VPS36: variants seen among roughly 807,000 people sequenced by gnomAD.
VPS36 encodes vacuolar protein-sorting-associated protein 36.
Under a neutral mutation model 63.5 loss-of-function variants are expected in VPS36, and 31 were observed. That is an observed-to-expected ratio of 0.49 (90% CI 0.37 to 0.66). The LOEUF (loss-of-function observed/expected upper bound fraction) is 0.66, where lower values mean the gene tolerates loss of function less well. VPS36 is among the 30% of genes least tolerant of loss of function. The pLI, the probability that VPS36 is intolerant of heterozygous loss-of-function variation, is 0.00. For missense variants in VPS36, 338 were observed against 463.7 expected (o/e 0.73, Z 2.49); for synonymous variants, 138 against 157.2 (o/e 0.88, Z 0.91).
chr13:52,445,212 G>A (rs185142244), intron 1 of VPS36, among the ~76,000 whole-genome samples: 364 of 152,306 alleles, frequency 2.4e-3, no homozygotes, highest in African/African-American at 7.0e-3. Flanking sequence ...ACTTAGTTCA[G>A]TCTGGCTTCA....
intron 10 of VPS36, among the ~76,000 whole-genome samples, chr13:52,422,796 T>A (rs994865239): frequency 6.6e-6 from 1 of 152,158 alleles, no homozygotes; most frequent in Non-Finnish European, 1.5e-5. Flanking sequence ...CAGAAAGAAA[T>A]GATAAATGTT....
At chr13:52,450,311 C>A in intron 1 of VPS36, 188 bp downstream of exon 1, 2 of 1,172,394 alleles carry the variant, frequency 1.7e-6, no homozygotes, top group Middle Eastern at 3.5e-4. Context: ...GAGCGCCCCA[C>A]GCCACGTGCT....
At chr13:52,419,902 G>A (rs1308534075) in intron 10 of VPS36, among the ~76,000 whole-genome samples, 1 of 152,108 alleles carries the variant, frequency 6.6e-6, no homozygotes, top group Non-Finnish European at 1.5e-5. Flanking sequence ...AGTGGGGAAG[G>A]AGGGATAAAG....
chr13:52,418,444 G>A (rs908037212), intron 10 of VPS36, among the ~76,000 whole-genome samples: 17 of 151,378 alleles, frequency 1.1e-4, no homozygotes, highest in Middle Eastern at 3.4e-3. Context: ...GCGCGGTGGC[G>A]GGTGCCTGTA....
chr13:52,438,709 A>T (rs1420957159), intron 3 of VPS36, among the ~76,000 whole-genome samples: 4 of 152,218 alleles, frequency 2.6e-5, no homozygotes, highest in African/African-American at 9.6e-5. Context: ...TTATTCTGAT[A>T]AATGTCCTGC....
At chr13:52,450,438 G>C in intron 1 of VPS36, 61 bp downstream of exon 1, 1 of 1,507,442 alleles carries the variant, frequency 6.6e-7, no homozygotes, top group Non-Finnish European at 8.9e-7. Context: ...GCTGAGCCGG[G>C]CCGCGCGCCC....
intron 1 of VPS36, chr13:52,450,107 C>A (rs560962992): frequency 2.8e-5 from 28 of 990,930 alleles, no homozygotes; most frequent in South Asian, 4.7e-5. Context: ...AGGTTGGTGT[C>A]GTCAGGGGGT....
intron 10 of VPS36, 126 bp from the exon 11 acceptor site, chr13:52,418,182 T>C (rs1958010675): frequency 1.2e-6 from 1 of 811,440 alleles, no homozygotes. Context: ...GCAAAAAAGA[T>C]TGACAAAGGA....
chr13:52,442,470 T>C lies in VPS36; in HGVS notation c.97-25A>G, dbSNP rs200039377. 6.0e-4 allele frequency: 954 copies of C among 1,595,722 alleles called. 1 individual carries two copies. Among genetic ancestry groups the C allele is most frequent in the Non-Finnish European group, 7.5e-4 (881 of 1,168,482 alleles). ...TCTAGAAAGAAAGAGCATCACAAAA[T>C]ATTAATAACATATCACTCATTGTGG... On this transcript the variant is annotated intron_variant, in intron 1 of 13. Transcript: ENST00000378060.
At chr13:52,416,918 T>C in intron 12 of VPS36, 139 bp downstream of exon 12, 3 of 701,536 alleles carry the variant, frequency 4.3e-6, no homozygotes, top group South Asian at 2.1e-5. Context: ...TTGTTAGTGA[T>C]AAACCATTTT....
chr13:52,420,298 T>C (rs1022904096), intron 10 of VPS36, among the ~76,000 whole-genome samples: 4 of 151,786 alleles, frequency 2.6e-5, no homozygotes, highest in African/African-American at 4.8e-5. Flanking sequence ...AGGGAAACCA[T>C]AGTTAACAAT....
intron 5 of VPS36, among the ~76,000 whole-genome samples, chr13:52,434,224 ACT>A (rs1403220592): frequency 1.3e-5 from 2 of 152,224 alleles, no homozygotes; most frequent in East Asian, 3.8e-4. Context: ...CAAATGTCAC[ACT>A]GATTATGAAG....
rs1308613342 is a variant in VPS36, at chr13:52,445,771, A to G, written c.97-3326T>C. Among the ~76,000 whole-genome samples, 2 of 120,028 alleles carry G rather than the reference A, an allele frequency of 1.7e-5. 1 individual carries two copies. Among genetic ancestry groups the G allele is most frequent in the Non-Finnish European group, 3.7e-5 (2 of 53,506 alleles). The allele number at this position is 120,028 out of a possible 152,430, so 78.7% of individuals were successfully genotyped here. ...ACTAACACGGTGAAACCCCGTCTCT[A>G]CTAAAAATACAAAAAAAAAATAGCC... is the stretch of plus-strand genomic sequence containing the variant. On this transcript the variant is annotated intron_variant, in intron 1 of 13. Coordinates refer to ENST00000378060, the MANE Select transcript of VPS36 (RefSeq NM_016075.4).
In VPS36 at chr13:52,416,113, G is replaced by A; in HGVS notation, c.991-20C>T. 2 of 1,604,086 alleles carry A rather than the reference G, an allele frequency of 1.2e-6. No homozygotes were observed. Among genetic ancestry groups the A allele is most frequent in the South Asian group, 1.1e-5 (1 of 89,124 alleles). On this transcript the variant is annotated intron_variant, in intron 12 of 13. Transcript: ENST00000378060. ...TGAAACCTAATAGAAACACACAGCA[G>A]AAAAAAAATGTAATTAATTTAGGAC... is the stretch of plus-strand genomic sequence containing the variant.
chr13:52,450,477 G>T, intron 1 of VPS36, 22 bp downstream of exon 1: 1 of 1,582,358 alleles, frequency 6.3e-7, no homozygotes. Context: ...CAGCCCGTTG[G>T]GAAGGTTGGC....
chr13:52,420,070 G>A (rs984613994), intron 10 of VPS36, among the ~76,000 whole-genome samples: 1 of 151,814 alleles, frequency 6.6e-6, no homozygotes, highest in South Asian at 2.1e-4. Context: ...GAGAAACCCC[G>A]TCTCTACTAA....
chr13:52,420,252 AG>A (rs1366567906), intron 10 of VPS36, among the ~76,000 whole-genome samples: 1 of 151,006 alleles, frequency 6.6e-6, no homozygotes, highest in East Asian at 1.9e-4. Flanking sequence ...AAAAAAAAAA[AG>A]GGGGGGAATA....
rs1172587160 is a variant in VPS36 at position 52,414,377 on chromosome 13, A to G, written c.*1453T>C. On this transcript the variant is annotated 3_prime_UTR_variant, in exon 14 of 14. Coordinates refer to ENST00000378060, the MANE Select transcript of VPS36 (RefSeq NM_016075.4). ...GGGGAACCAGAGGATCTGTCACCACAATGAAGAGTCAGTGACAGGTTTGGA... is the reference window on the plus strand; with the variant it reads ...GGGGAACCAGAGGATCTGTCACCACGATGAAGAGTCAGTGACAGGTTTGGA... 3.3e-5 allele frequency: 5 copies of G among 152,280 alleles called. No homozygotes were observed. Among genetic ancestry groups the G allele is most frequent in the African/African-American group, 1.2e-4 (5 of 41,470 alleles). 9.4% of individuals were successfully genotyped at this position (152,280 alleles called of 1,614,324 possible).
chr13:52,433,641 G>A (rs1170432088), intron 6 of VPS36, 21 bp downstream of exon 6: 1 of 1,583,466 alleles, frequency 6.3e-7, no homozygotes. Context: ...AATAGATGGA[G>A]AGCCAGAATT....
Sources: allele counts gnomAD v4.1 joint callset (sites outside exome capture counted in the v4.1 genomes callset), GRCh38; gene constraint gnomAD v4.1.1; transcripts MANE v1.5; gene names NCBI Gene and HGNC (gene_info 2026-07-23, HGNC 2026-07-21).